SEPSECS: variants seen among roughly 807,000 people sequenced by gnomAD.
SEPSECS encodes the protein O-phosphoseryl-tRNA(Sec) selenium transferase.
Under a neutral mutation model 52.1 loss-of-function variants are expected in SEPSECS, and 42 were observed. The observed-to-expected ratio is 0.81, with a 90% CI of 0.63 to 1.04. The LOEUF (loss-of-function observed/expected upper bound fraction) is 1.04. Ranked by LOEUF, SEPSECS falls within the 50% of genes least tolerant of loss-of-function variation. SEPSECS has a pLI of 0.00. For missense variants in SEPSECS, 590 were observed against 610.6 expected (o/e 0.97, Z 0.36); for synonymous variants, 216 against 211.4 (o/e 1.02, Z -0.19).
intron 8 of SEPSECS, among the ~76,000 whole-genome samples, chr4:25,141,065 A>G (rs143405351): frequency 1.3e-5 from 2 of 152,344 alleles, no homozygotes; most frequent in Non-Finnish European, 2.9e-5. Flanking sequence ...TTTAAGGAAT[A>G]CAGGAGGATG....
intron 5 of SEPSECS, among the ~76,000 whole-genome samples, chr4:25,153,375 AT>A (rs1334096751): frequency 1.3e-5 from 2 of 151,858 alleles, no homozygotes; most frequent in African/African-American, 2.4e-5. Context: ...AAGAAAAAAA[AT>A]AACTTGTGAG....
At chr4:25,148,124 G>A (rs1425691635) in intron 6 of SEPSECS, among the ~76,000 whole-genome samples, 3 of 152,054 alleles carry the variant, frequency 2.0e-5, no homozygotes, top group South Asian at 4.1e-4. Context: ...AGGCCAAGGC[G>A]GGTGGATCAC....
intron 2 of SEPSECS, 48 bp from the exon 3 acceptor site, chr4:25,157,022 G>T: frequency 2.0e-6 from 2 of 976,826 alleles, no homozygotes; most frequent in South Asian, 1.3e-5. Flanking sequence ...TCAGCATTCC[G>T]AGTAATACAA....
At chr4:25,143,780 T>C (rs1652104688) in intron 8 of SEPSECS, among the ~76,000 whole-genome samples, 1 of 152,194 alleles carries the variant, frequency 6.6e-6, no homozygotes, top group African/African-American at 2.4e-5. Flanking sequence ...GAAAATGCTT[T>C]AGAATATATA....
At position 25,127,290 on chromosome 4, in the gene SEPSECS, T is replaced by C. The variant is rs774270041; in HGVS notation, c.1094A>G (p.His365Arg). 1 of 1,612,724 alleles carries C rather than the reference T, an allele frequency of 6.2e-7. No homozygotes were observed. The highest frequency in any genetic ancestry group is 1.1e-5 in the South Asian group (1 of 91,062). ...LSEAYNERLL[H>R]TPHNPISLAM... ...TAAAGATATGGGATTGTGAGGTGTA[T>C]GCAACAGTCTTTCATTGTAGGCTTC... Residue 365 changes from histidine (H) to arginine (R), a missense_variant, in exon 9 of 11, where the codon CAT (histidine) becomes CGT (arginine). Transcript: ENST00000382103.
chr4:25,159,122 A>C lies in SEPSECS; in HGVS notation c.115-15T>G, dbSNP rs557368955. The C allele has an allele frequency of 7.2e-5, 112 of 1,561,020 alleles. No individual in the cohort carries two copies. The highest frequency in any genetic ancestry group is 3.8e-4 in the African/African-American group (27 of 71,360). ...GGACACTTGCCCTTAAAAAAAAAAA[A>C]AAACTTATGATTATATTTAATAAAA... On this transcript the variant is annotated splice_polypyrimidine_tract_variant and intron_variant, in intron 1 of 10. Coordinates refer to ENST00000382103, the MANE Select transcript of SEPSECS (RefSeq NM_016955.4).
intron 8 of SEPSECS, among the ~76,000 whole-genome samples, chr4:25,130,831 C>A (rs545168774): frequency 6.6e-6 from 1 of 152,044 alleles, no homozygotes; most frequent in Non-Finnish European, 1.5e-5. Context: ...AAGCTACTAC[C>A]GAACCTGTAC....
chr4:25,129,913 T>C (rs1383997306), intron 8 of SEPSECS, among the ~76,000 whole-genome samples: 1 of 152,220 alleles, frequency 6.6e-6, no homozygotes, highest in African/African-American at 2.4e-5. Flanking sequence ...TCACATATTT[T>C]CATTTAGATA....
chr4:25,150,552 C>T (rs946036171), intron 6 of SEPSECS, among the ~76,000 whole-genome samples: 16 of 152,000 alleles, frequency 1.1e-4, no homozygotes, highest in Admixed American at 1.0e-3. Flanking sequence ...TTTTAAGAAA[C>T]ATCATTATTT....
At chr4:25,152,208 T>G (rs1712347771) in intron 5 of SEPSECS, 146 bp from the exon 6 acceptor site, 2 of 611,076 alleles carry the variant, frequency 3.3e-6, no homozygotes, top group Non-Finnish European at 5.9e-6. Context: ...TATTGCAGTA[T>G]TTTGACATGT....
At chr4:25,132,163 T>C (rs1016973731) in intron 8 of SEPSECS, among the ~76,000 whole-genome samples, 1 of 152,236 alleles carries the variant, frequency 6.6e-6, no homozygotes, top group Non-Finnish European at 1.5e-5. Context: ...AGCTGAGTTC[T>C]TGTCTGCCAC....
chr4:25,132,546 T>A (rs1447736197), intron 8 of SEPSECS, among the ~76,000 whole-genome samples: 1 of 152,192 alleles, frequency 6.6e-6, no homozygotes, highest in Non-Finnish European at 1.5e-5. Flanking sequence ...ATGGAGGACA[T>A]CCACATTTTT....
At chr4:25,128,244 C>G (rs564114967) in intron 8 of SEPSECS, among the ~76,000 whole-genome samples, 1 of 152,186 alleles carries the variant, frequency 6.6e-6, no homozygotes, top group East Asian at 1.9e-4. Flanking sequence ...CACCGTTGCC[C>G]CAACACCAAG....
At chr4:25,136,908 C>T (rs940951883) in intron 8 of SEPSECS, among the ~76,000 whole-genome samples, 1 of 152,098 alleles carries the variant, frequency 6.6e-6, no homozygotes, top group Non-Finnish European at 1.5e-5. Context: ...AGAAATAAGA[C>T]CACACATCTA....
Position 25,145,032 on chromosome 4 carries a change from G to T in SEPSECS, c.906C>A (p.Phe302Leu). ...GAIIAGFNDS[F>L]IQEISKMYPG... ...GATACATCTTGCTGATTTCCTGAAT[G>T]AATGAATCATTAAAGCCAGCAATTA... Residue 302 changes from phenylalanine to leucine, a missense_variant, in exon 7 of 11, where the codon TTC becomes TTA. Physicochemically the swap from Phe to Leu is conservative, Grantham distance 22. Transcript: ENST00000382103. 6.2e-7 allele frequency: 1 copy of T among 1,613,860 alleles called. No homozygotes were observed. The highest frequency in any genetic ancestry group is 8.5e-7 in the Non-Finnish European group (1 of 1,179,898).
Position 25,129,009 on chromosome 4 carries a change from T to C in SEPSECS, c.1027-1652A>G, listed in dbSNP as rs1728504906. 2.6e-5 allele frequency among the ~76,000 whole-genome samples: 4 copies of C among 152,224 alleles called. No individual in the cohort carries two copies. The South Asian group carries it at 8.3e-4, about 32-fold the overall frequency. Reference sequence around the variant, plus strand: ...TTAAGACCACAAACATTTTCACTTCTGTCAACCCAGTACACATATTTTATA... The same window carrying C: ...TTAAGACCACAAACATTTTCACTTCCGTCAACCCAGTACACATATTTTATA... On this transcript the variant is annotated intron_variant, in intron 8 of 10. Transcript: ENST00000382103.
chr4:25,144,626 C>A (rs563237574), intron 8 of SEPSECS, 148 bp downstream of exon 8: 1 of 633,748 alleles, frequency 1.6e-6, no homozygotes, highest in Non-Finnish European at 2.8e-6. Flanking sequence ...AGGAAACCAC[C>A]TATGGTGGTT....
chr4:25,159,564 G>T, intron 1 of SEPSECS: 1 of 420,650 alleles, frequency 2.4e-6, no homozygotes, highest in Non-Finnish European at 4.8e-6. Context: ...TTGAAGTCAG[G>T]AGTTTGAGAT....
chr4:25,129,636 C>A (rs1728531043), intron 8 of SEPSECS, among the ~76,000 whole-genome samples: 1 of 151,818 alleles, frequency 6.6e-6, no homozygotes, highest in African/African-American at 2.4e-5. Flanking sequence ...GGTGATCCAC[C>A]CGCCTCGGCC....
Sources: allele counts gnomAD v4.1 joint callset (sites outside exome capture counted in the v4.1 genomes callset), GRCh38; gene constraint gnomAD v4.1.1; transcripts MANE v1.5; gene names NCBI Gene and HGNC (gene_info 2026-07-23, HGNC 2026-07-21).